Variants in BUB1B observed in about 807,000 individuals in gnomAD.
BUB1B encodes mitotic checkpoint serine/threonine-protein kinase BUB1 beta.
BUB1B carries 86 observed loss-of-function variants against 137.7 expected under a neutral mutation model. The observed-to-expected ratio is 0.62, with a 90% CI of 0.52 to 0.75. The LOEUF is 0.75. Ranked by LOEUF, BUB1B falls within the 30% of genes least tolerant of loss-of-function variation. BUB1B has a pLI of 0.00. For missense variants in BUB1B, 1,130 were observed against 1,236.9 expected (o/e 0.91, Z 1.30); for synonymous variants, 420 against 417.9 (o/e 1.00, Z -0.06).
At chr15:40,190,357 G>T (rs1434808135) in intron 8 of BUB1B, among the ~76,000 whole-genome samples, 2 of 151,974 alleles carry the variant, frequency 1.3e-5, no homozygotes, top group Non-Finnish European at 2.9e-5. Context: ...TTTAATCTCA[G>T]CACTTTGGCT....
At chr15:40,195,905 G>A (rs111962589) in intron 8 of BUB1B, among the ~76,000 whole-genome samples, 2 of 152,280 alleles carry the variant, frequency 1.3e-5, no homozygotes, top group African/African-American at 4.8e-5. Flanking sequence ...CATAGATCGT[G>A]AAGATTTTCT....
intron 17 of BUB1B, 65 bp from the exon 18 acceptor site, chr15:40,210,044 AG>A: frequency 1.5e-6 from 2 of 1,295,238 alleles, no homozygotes; most frequent in Non-Finnish European, 2.2e-6. Context: ...TTAAACCAGG[AG>A]GTAAAAGCTA....
intron 18 of BUB1B, among the ~76,000 whole-genome samples, chr15:40,211,668 C>T (rs1256531151): frequency 5.9e-5 from 9 of 152,104 alleles, no homozygotes; most frequent in Admixed American, 5.9e-4. Context: ...ATTTCTACCC[C>T]CCTCAGTGGT....
intron 1 of BUB1B, 151 bp downstream of exon 1, chr15:40,161,406 G>C: frequency 1.1e-6 from 1 of 934,240 alleles, no homozygotes; most frequent in East Asian, 3.0e-5. Flanking sequence ...TAGAATGCCG[G>C]AGGTGGAGGT....
rs567950076 is a variant in BUB1B at position 40,213,216 on chromosome 15, C to G, written c.2536-116C>G. The G allele has an allele frequency of 4.7e-6, 5 of 1,073,004 alleles. No individual in the cohort carries two copies. In the East Asian group the frequency reaches 9.9e-5, roughly 21 times the overall value. The allele number at this position is 1,073,004 out of a possible 1,614,324, so 66.5% of individuals were successfully genotyped here. On this transcript the variant is annotated intron_variant, in intron 19 of 22. Transcript: ENST00000287598. ...GACATAGACTCAGTCTACAGAGGTG[C>G]CTACGTTCCAGTAGAGAACAAGGAA...
At position 40,218,419 on chromosome 15, in the gene BUB1B, G is replaced by T. The variant is rs143373304; in HGVS notation, c.2851-37G>T. On this transcript the variant is annotated intron_variant, in intron 21 of 22. Coordinates refer to ENST00000287598, the MANE Select transcript of BUB1B (RefSeq NM_001211.6). ...AATAAGCTGCCATGGTAGAGGCAGA[G>T]AATTATTTTAGCTGATGGTGCTTTT... 4.7e-6 allele frequency: 7 copies of T among 1,490,836 alleles called. No homozygotes were observed. In the South Asian group the frequency reaches 5.7e-5, roughly 12 times the overall value. The allele number at this position is 1,490,836 out of a possible 1,614,324, so 92.4% of individuals were successfully genotyped here.
chr15:40,209,280 G>T (rs549880215), intron 16 of BUB1B, among the ~76,000 whole-genome samples: 41 of 152,216 alleles, frequency 2.7e-4, no homozygotes, highest in Non-Finnish European at 5.0e-4. Flanking sequence ...AATTAGCCGG[G>T]CATGGTGGCG....
chr15:40,202,559 A>G, intron 13 of BUB1B, 30 bp from the exon 14 acceptor site: 1 of 1,607,600 alleles, frequency 6.2e-7, no homozygotes. Flanking sequence ...TTATGAAAAA[A>G]ATTGCTAAGT....
rs1262226901 is a variant in BUB1B at position 40,202,428 on chromosome 15, T to G, written c.1591T>G (p.Phe531Val). Reference sequence around the variant, plus strand: ...AGGTCCCAGTGTACCTTTCTCCATTTTTGATGAGTTTCTTCTTTCAGAAAA... The same window carrying G: ...AGGTCCCAGTGTACCTTTCTCCATTGTTGATGAGTTTCTTCTTTCAGAAAA... ...SKGPSVPFSIFDEFLLSEKKN... is the reference protein window; with the variant it reads ...SKGPSVPFSIVDEFLLSEKKN... The change falls in exon 13 of 23, where the codon TTT becomes GTT. Residue 531 changes from phenylalanine (F) to valine (V), a missense_variant. By Grantham distance (50) the Phe-to-Val change is conservative (BLOSUM62 -1). Coordinates refer to ENST00000287598, the MANE Select transcript of BUB1B (RefSeq NM_001211.6). 6.2e-7 allele frequency: 1 copy of G among 1,612,152 alleles called. No individual in the cohort carries two copies. The highest frequency in any genetic ancestry group is 1.3e-5 in the African/African-American group (1 of 74,938).
chr15:40,175,500 C>G (rs2037213989), intron 4 of BUB1B, among the ~76,000 whole-genome samples: 1 of 152,022 alleles, frequency 6.6e-6, no homozygotes, highest in African/African-American at 2.4e-5. Flanking sequence ...TTATTATGAT[C>G]AAAACTTTAT....
In BUB1B at chr15:40,217,632, C is replaced by G. The variant is rs1316544182; in HGVS notation, c.2815C>G (p.Gln939Glu). The G allele has an allele frequency of 6.2e-7, 1 of 1,614,172 alleles. No individual in the cohort carries two copies. The highest frequency in any genetic ancestry group is 8.5e-7 in the Non-Finnish European group (1 of 1,180,030). ...GFRTVQILEGQKILANCSSPY... is the reference protein window; with the variant it reads ...GFRTVQILEGEKILANCSSPY... Reference sequence around the variant, plus strand: ...TCGGACTGTACAGATCCTGGAAGGACAAAAGATCCTGGCTAACTGTTCTTC... The same window carrying G: ...TCGGACTGTACAGATCCTGGAAGGAGAAAAGATCCTGGCTAACTGTTCTTC... Residue 939 changes from glutamine (Q) to glutamate (E), a missense_variant, in exon 21 of 23, where the codon CAA (glutamine) becomes GAA (glutamate). Gln to Glu is a conservative substitution (Grantham distance 29). Transcript: ENST00000287598.
At chr15:40,188,967 C>G (rs958067127) in intron 8 of BUB1B, among the ~76,000 whole-genome samples, 1 of 151,984 alleles carries the variant, frequency 6.6e-6, no homozygotes, top group Non-Finnish European at 1.5e-5. Flanking sequence ...TTGTGCAACC[C>G]TTACCACAAT....
intron 14 of BUB1B, among the ~76,000 whole-genome samples, chr15:40,203,571 AAATCACT>A (rs2037601536): frequency 6.6e-6 from 1 of 152,352 alleles, no homozygotes; most frequent in Admixed American, 6.5e-5. Context: ...AAGTAGGGAA[AAATCACT>A]AATTTTAAAG....
At chr15:40,192,205 T>C (rs1240398227) in intron 8 of BUB1B, among the ~76,000 whole-genome samples, 2 of 152,236 alleles carry the variant, frequency 1.3e-5, no homozygotes, top group African/African-American at 2.4e-5. Context: ...TGCACTTCTT[T>C]TTCTTTAATT....
chr15:40,173,097 G>A (rs1226559667), intron 4 of BUB1B, among the ~76,000 whole-genome samples: 2 of 152,038 alleles, frequency 1.3e-5, no homozygotes, highest in African/African-American at 4.8e-5. Flanking sequence ...CCAACATGGT[G>A]AAACCTCATC....
intron 8 of BUB1B, among the ~76,000 whole-genome samples, chr15:40,193,202 A>G (rs1438018273): frequency 6.6e-6 from 1 of 152,184 alleles, no homozygotes; most frequent in African/African-American, 2.4e-5. Context: ...TTGTATAATA[A>G]GACTAATTTT....
Position 40,212,543 on chromosome 15 carries a change from G to C in BUB1B, c.2430G>C (p.Lys810Asn). ...PVPWDFYINL[K>N]LKERLNEDFD... ...CATGGGACTTTTATATCAACCTCAA[G>C]TTAAAGGAACGTTTAAATGAAGATT... is the stretch of plus-strand genomic sequence containing the variant. The change falls in exon 19 of 23, where the codon AAG becomes AAC. Residue 810 changes from lysine (K) to asparagine (N), a missense_variant. Coordinates refer to ENST00000287598, the MANE Select transcript of BUB1B (RefSeq NM_001211.6). The C allele has an allele frequency of 6.2e-7, 1 of 1,613,062 alleles. No individual in the cohort carries two copies. The highest frequency in any genetic ancestry group is 8.5e-7 in the Non-Finnish European group (1 of 1,179,308).
At chr15:40,171,622 T>C (rs2037163975) in intron 4 of BUB1B, among the ~76,000 whole-genome samples, 1 of 152,150 alleles carries the variant, frequency 6.6e-6, no homozygotes, top group South Asian at 2.1e-4. Flanking sequence ...GAGCTAACAT[T>C]TGGCAGCAGT....
At chr15:40,172,819 A>G (rs1395453914) in intron 4 of BUB1B, among the ~76,000 whole-genome samples, 1 of 152,212 alleles carries the variant, frequency 6.6e-6, no homozygotes, top group Non-Finnish European at 1.5e-5. Context: ...GGTTGGAGAA[A>G]TTACCCTATG....
Sources: allele counts gnomAD v4.1 joint callset (sites outside exome capture counted in the v4.1 genomes callset), GRCh38; gene constraint gnomAD v4.1.1; transcripts MANE v1.5; gene names NCBI Gene and HGNC (gene_info 2026-07-23, HGNC 2026-07-21).